Variants in FYTTD1 observed in about 807,000 individuals in gnomAD.
FYTTD1 encodes the protein forty-two-three domain containing 1.
Under a neutral mutation model 40.9 loss-of-function variants are expected in FYTTD1, and 22 were observed. The ratio of observed to expected loss-of-function variants is 0.54; its 90% CI spans 0.38 to 0.77. The LOEUF (loss-of-function observed/expected upper bound fraction) is 0.77, where lower values mean the gene tolerates loss of function less well. Ranked by LOEUF, FYTTD1 falls within the 30% of genes least tolerant of loss-of-function variation. The pLI is 0.00. For missense variants in FYTTD1, 351 were observed against 392.2 expected (o/e 0.90, Z 0.89); for synonymous variants, 140 against 137.9 (o/e 1.01, Z -0.10).
In FYTTD1 at chr3:197,778,419, T is replaced by C. The variant is rs751122101; in HGVS notation, c.813T>C (p.Pro271=). The part of the protein sequence containing the change: ...KREQSDVKKV[P]KGVPLQFDIN... Reference sequence around the variant, plus strand: ...AGCAAAGTGACGTCAAGAAAGTTCCTAAAGGTGTTCCCCTGCAGTTTGACA... The same window carrying C: ...AGCAAAGTGACGTCAAGAAAGTTCCCAAAGGTGTTCCCCTGCAGTTTGACA... Residue 271 remains proline (P), a synonymous_variant, in exon 8 of 9, where the codon CCT becomes CCC. Transcript: ENST00000241502. The C allele has an allele frequency of 7.9e-5, 127 of 1,611,172 alleles. No homozygotes were observed. Among genetic ancestry groups the C allele is most frequent in the Non-Finnish European group, 1.0e-4 (119 of 1,177,772 alleles).
At chr3:197,769,374 C>T (rs993523944) in intron 3 of FYTTD1, among the ~76,000 whole-genome samples, 9 of 152,234 alleles carry the variant, frequency 5.9e-5, no homozygotes, top group Non-Finnish European at 1.0e-4. Flanking sequence ...GCGTAAGCCA[C>T]GGTGCCTGGC....
At chr3:197,771,195 AAAAG>A (rs1729705264) in intron 4 of FYTTD1, among the ~76,000 whole-genome samples, 1 of 152,174 alleles carries the variant, frequency 6.6e-6, no homozygotes, top group Admixed American at 6.5e-5. Context: ...CCATCTCTGA[AAAAG>A]AAAGAAAAGA....
chr3:197,785,929 A>G lies in FYTTD1; in HGVS notation c.*4020A>G, dbSNP rs1263825281. The G allele has an allele frequency of 2.0e-5, 3 of 149,850 alleles. No individual in the cohort carries two copies. The allele number at this position is 149,850 out of a possible 1,614,324, so 9.3% of individuals were successfully genotyped here. A position where few individuals can be genotyped will look rare whatever the true frequency, so the allele number is the denominator to read the frequency against. ...TTCTTTTTGGATAGATCAATTTGGA[A>G]CTAGCTTCTTTTTTTTTTTTTTAAA... On this transcript the variant is annotated 3_prime_UTR_variant, in exon 9 of 9. Coordinates refer to ENST00000241502, the MANE Select transcript of FYTTD1 (RefSeq NM_032288.7).
At chr3:197,777,063 G>T in intron 7 of FYTTD1, 62 bp downstream of exon 7, 1 of 986,728 alleles carries the variant, frequency 1.0e-6, no homozygotes, top group Non-Finnish European at 1.6e-6. Context: ...TCATAAGAAA[G>T]TATTGGACTT....
At chr3:197,778,215 G>T in intron 7 of FYTTD1, 123 bp from the exon 8 acceptor site, 2 of 620,404 alleles carry the variant, frequency 3.2e-6, no homozygotes, top group Non-Finnish European at 5.1e-6. Flanking sequence ...CTTTTTTTTT[G>T]AGAACACAAA....
intron 2 of FYTTD1, among the ~76,000 whole-genome samples, chr3:197,764,947 TCA>T (rs1729499793): frequency 6.6e-6 from 1 of 150,536 alleles, no homozygotes; most frequent in African/African-American, 2.4e-5. Flanking sequence ...GCCTCCCAGG[TCA>T]AGCGATTCTC....
At chr3:197,766,921 A>T (rs1321555775) in intron 2 of FYTTD1, among the ~76,000 whole-genome samples, 1 of 152,228 alleles carries the variant, frequency 6.6e-6, no homozygotes, top group Non-Finnish European at 1.5e-5. Context: ...TTAACTTTTA[A>T]AATATATGTA....
At position 197,787,446 on chromosome 3, in the gene FYTTD1, C is replaced by T. The variant is rs1469198888; in HGVS notation, c.*5537C>T. The T allele has an allele frequency of 1.3e-5, 2 of 152,164 alleles. No homozygotes were observed. Among genetic ancestry groups the T allele is most frequent in the African/African-American group, 4.8e-5 (2 of 41,410 alleles). The allele number at this position is 152,164 out of a possible 1,614,324, so 9.4% of individuals were successfully genotyped here. ...AAGGAGTGACCATGATATGTTTCTACTGAGTAGAAGGGGGAAGGGAGGACA... is the reference window on the plus strand; with the variant it reads ...AAGGAGTGACCATGATATGTTTCTATTGAGTAGAAGGGGGAAGGGAGGACA... On this transcript the variant is annotated 3_prime_UTR_variant, in exon 9 of 9. Transcript: ENST00000241502.
intron 1 of FYTTD1, chr3:197,750,911 A>C (rs1005734639): frequency 1.1e-6 from 1 of 935,560 alleles, no homozygotes; most frequent in African/African-American, 1.8e-5. Flanking sequence ...GATTCCATTA[A>C]AATCCAGCCC....
chr3:197,764,689 AC>A (rs1421752557), intron 2 of FYTTD1, among the ~76,000 whole-genome samples: 1 of 129,122 alleles, frequency 7.7e-6, no homozygotes, highest in East Asian at 2.6e-4. Flanking sequence ...AGCCCGGGTG[AC>A]AGAGCGAGAG....
intron 2 of FYTTD1, among the ~76,000 whole-genome samples, chr3:197,761,428 C>T (rs2109041521): frequency 6.6e-6 from 1 of 151,090 alleles, no homozygotes; most frequent in East Asian, 2.0e-4. Context: ...TAGAGTTGTT[C>T]CTCAGTGGTA....
chr3:197,781,973 C>T lies in FYTTD1; in HGVS notation c.*64C>T. ...AAGTTGAATTGCTTGAAGAGTTCAT[C>T]ACGGAAATTCAAGAAACTTTACTTC... On this transcript the variant is annotated 3_prime_UTR_variant, in exon 9 of 9. Transcript: ENST00000241502. 1 of 895,730 alleles carries T rather than the reference C, an allele frequency of 1.1e-6. No homozygotes were observed. The highest frequency in any genetic ancestry group is 1.6e-6 in the Non-Finnish European group (1 of 606,850). The allele number at this position is 895,730 out of a possible 1,614,324, so 55.5% of individuals were successfully genotyped here. A position where few individuals can be genotyped will look rare whatever the true frequency, so the allele number is the denominator to read the frequency against.
chr3:197,751,541 A>C (rs936458309), intron 1 of FYTTD1, among the ~76,000 whole-genome samples: 31 of 152,160 alleles, frequency 2.0e-4, no homozygotes, highest in African/African-American at 7.2e-4. Flanking sequence ...CAGCTAAGAC[A>C]TGAGAATAGC....
rs1309961290 is a variant in FYTTD1, at chr3:197,768,571, C to T, written c.368C>T (p.Pro123Leu). 2 of 1,613,396 alleles carry T rather than the reference C, an allele frequency of 1.2e-6. No individual in the cohort carries two copies. The highest frequency in any genetic ancestry group is 2.2e-5 in the East Asian group (1 of 44,848). The change falls in exon 3 of 9, where the codon CCA (proline) becomes CTA (leucine). Residue 123 changes from proline (P) to leucine (L), a missense_variant. Transcript: ENST00000241502. ...IRKGISPMNR[P>L]PLSDKNIEQY... ...AAAGGAATTAGTCCTATGAATCGTCCACCTCTAAGTGACAAGGTAGGATGA... is the reference window on the plus strand; with the variant it reads ...AAAGGAATTAGTCCTATGAATCGTCTACCTCTAAGTGACAAGGTAGGATGA...
At chr3:197,766,967 A>T (rs915398077) in intron 2 of FYTTD1, among the ~76,000 whole-genome samples, 1 of 152,226 alleles carries the variant, frequency 6.6e-6, no homozygotes, top group African/African-American at 2.4e-5. Context: ...ACAGAATGTC[A>T]GTGGTCATCT....
At chr3:197,778,569 C>T in intron 8 of FYTTD1, 105 bp downstream of exon 8, 1 of 733,186 alleles carries the variant, frequency 1.4e-6, no homozygotes, top group Non-Finnish European at 2.2e-6. Context: ...CTAACTGCCC[C>T]CTGAAACCTA....
At chr3:197,781,709 A>G (rs1000670813) in intron 8 of FYTTD1, 102 bp from the exon 9 acceptor site, 1 of 755,578 alleles carries the variant, frequency 1.3e-6, no homozygotes, top group Non-Finnish European at 2.2e-6. Flanking sequence ...CATTACTTGT[A>G]ATTAATCATA....
chr3:197,782,117 T>G lies in FYTTD1; in HGVS notation c.*208T>G. On this transcript the variant is annotated 3_prime_UTR_variant, in exon 9 of 9. Coordinates refer to ENST00000241502, the MANE Select transcript of FYTTD1 (RefSeq NM_032288.7). ...AATAGGGATTATACCTGTCTGTTCT[T>G]AAAGATTTCATGGTTGGCTCAGACA... 2.9e-6 allele frequency: 1 copy of G among 349,082 alleles called. No individual in the cohort carries two copies. 21.6% of individuals were successfully genotyped at this position (349,082 alleles called of 1,614,324 possible).
At position 197,785,791 on chromosome 3, in the gene FYTTD1, T is replaced by C. The variant is rs1730139624; in HGVS notation, c.*3882T>C. 6.6e-6 allele frequency: 1 copy of C among 152,080 alleles called. No homozygotes were observed. Among genetic ancestry groups the C allele is most frequent in the Non-Finnish European group, 1.5e-5 (1 of 68,002 alleles). The allele number at this position is 152,080 out of a possible 1,614,324, so 9.4% of individuals were successfully genotyped here. A position where few individuals can be genotyped will look rare whatever the true frequency, so the allele number is the denominator to read the frequency against. On this transcript the variant is annotated 3_prime_UTR_variant, in exon 9 of 9. Transcript: ENST00000241502. ...ATATTGGCAATATTAAAGCAGAAAA[T>C]AATTCATTTCTGATCAGTAGTGCTT...
Sources: allele counts gnomAD v4.1 joint callset (sites outside exome capture counted in the v4.1 genomes callset), GRCh38; gene constraint gnomAD v4.1.1; transcripts MANE v1.5; gene names NCBI Gene and HGNC (gene_info 2026-07-23, HGNC 2026-07-21).